IBTK: variants seen among roughly 807,000 people sequenced by gnomAD.
IBTK encodes BTK-binding protein.
A neutral mutation model predicts 154.9 loss-of-function variants in IBTK; 83 were observed. The ratio of observed to expected loss-of-function variants is 0.54; its 90% CI spans 0.45 to 0.64. The LOEUF is 0.64. Among genes scored for constraint, IBTK ranks in the 30% least tolerant of loss-of-function variants. The pLI is 0.00. For synonymous variants in IBTK, 515 were observed against 536.1 expected (o/e 0.96, Z 0.54); for missense variants, 1,332 against 1,584.6 (o/e 0.84, Z 2.71).
intron 16 of IBTK, 45 bp from the exon 17 acceptor site, chr6:82,205,003 T>A (rs983724039): frequency 1.6e-6 from 2 of 1,265,986 alleles, no homozygotes; most frequent in Admixed American, 4.8e-5. Flanking sequence ...TTTGTATACA[T>A]TATACCTAGA....
In IBTK at chr6:82,171,209, T is replaced by C; in HGVS notation, c.*216A>G. 3.1e-6 allele frequency: 1 copy of C among 323,000 alleles called. No individual in the cohort carries two copies. 20.0% of individuals were successfully genotyped at this position (323,000 alleles called of 1,614,324 possible). A position where few individuals can be genotyped will look rare whatever the true frequency, so the allele number is the denominator to read the frequency against. Reference sequence around the variant, plus strand: ...TCTATTTAACCTTAATAAGTTTTTGTCTCACACATTTTATATAAAGTTACT... The same window carrying C: ...TCTATTTAACCTTAATAAGTTTTTGCCTCACACATTTTATATAAAGTTACT... On this transcript the variant is annotated 3_prime_UTR_variant, in exon 29 of 29. Coordinates refer to ENST00000306270, the MANE Select transcript of IBTK (RefSeq NM_015525.4).
chr6:82,172,672 C>G, intron 27 of IBTK, 160 bp from the exon 28 acceptor site: 1 of 592,544 alleles, frequency 1.7e-6, no homozygotes, highest in East Asian at 3.1e-5. Context: ...GAGTTTCACT[C>G]ATCTTCCTAA....
chr6:82,191,741 G>T, intron 24 of IBTK, 46 bp downstream of exon 24: 1 of 1,124,614 alleles, frequency 8.9e-7, no homozygotes, highest in Non-Finnish European at 1.4e-6. Context: ...AATTCTTAGG[G>T]CAGAAATACA....
chr6:82,184,278 A>G (rs1768455448), intron 25 of IBTK, among the ~76,000 whole-genome samples: 1 of 152,228 alleles, frequency 6.6e-6, no homozygotes, highest in African/African-American at 2.4e-5. Flanking sequence ...CTGCATAAAA[A>G]TTAACCAGAA....
At chr6:82,200,054 G>A (rs938146044) in intron 21 of IBTK, 87 bp downstream of exon 21, 18 of 854,376 alleles carry the variant, frequency 2.1e-5, no homozygotes, top group African/African-American at 1.0e-4. Context: ...CATAAGGACT[G>A]TTTATTTCAG....
chr6:82,178,826 T>TGAGTCTGA (rs1462263829), intron 26 of IBTK, among the ~76,000 whole-genome samples: 4 of 152,194 alleles, frequency 2.6e-5, no homozygotes, highest in African/African-American at 7.2e-5. Flanking sequence ...GTCGTCAGTC[T>TGAGTCTGA]GTCAAAGAGT....
intron 18 of IBTK, among the ~76,000 whole-genome samples, chr6:82,201,939 C>T (rs187577695): frequency 3.3e-5 from 5 of 151,966 alleles, no homozygotes; most frequent in Admixed American, 2.0e-4. Context: ...TTGGCCAGGC[C>T]GGTCTTGAAC....
chr6:82,214,945 A>C, intron 11 of IBTK, 116 bp from the exon 12 acceptor site: 1 of 1,104,198 alleles, frequency 9.1e-7, no homozygotes, highest in Non-Finnish European at 1.3e-6. Flanking sequence ...GAAAATTTTA[A>C]ATTTGGCATT....
intron 23 of IBTK, among the ~76,000 whole-genome samples, chr6:82,193,095 C>CA (rs1340087241): frequency 0.012 from 1,250 of 107,590 alleles, 15 homozygotes; most frequent in African/African-American, 0.034. Context: ...AAGACTGTCT[C>CA]AAAAAAAAAA....
At chr6:82,216,570 C>T (rs985075525) in intron 10 of IBTK, among the ~76,000 whole-genome samples, 3 of 152,128 alleles carry the variant, frequency 2.0e-5, no homozygotes, top group Non-Finnish European at 4.4e-5. Context: ...TAAAACTTTT[C>T]AACTTATACT....
intron 21 of IBTK, among the ~76,000 whole-genome samples, chr6:82,197,815 G>C (rs528603747): frequency 1.3e-5 from 2 of 152,296 alleles, no homozygotes; most frequent in South Asian, 4.1e-4. Flanking sequence ...GTCAAAAACA[G>C]TTTTGCTGAA....
At chr6:82,211,640 T>C (rs1769649085) in intron 13 of IBTK, 68 bp from the exon 14 acceptor site, 1 of 1,322,540 alleles carries the variant, frequency 7.6e-7, no homozygotes, top group Non-Finnish European at 1.1e-6. Flanking sequence ...GATTATAGGA[T>C]TTGGCTTAAC....
rs111690568 is a variant in IBTK at position 82,216,072 on chromosome 6, A to G, written c.1601+4T>C. On this transcript the variant is annotated splice_donor_region_variant and intron_variant, in intron 11 of 28. Transcript: ENST00000306270. ...AAAATGAAATTTAATATATACAAGT[A>G]TACCTTGTTTTAGGATCTGACTGCA... is the stretch of plus-strand genomic sequence containing the variant. 9.6e-4 allele frequency: 1,527 copies of G among 1,595,370 alleles called. 14 individuals carry two copies. In the African/African-American group the frequency reaches 0.018, roughly 19 times the overall value.
Position 82,246,142 on chromosome 6 carries a change from T to C in IBTK, c.-358+1420A>G, listed in dbSNP as rs547512096. On this transcript the variant is annotated intron_variant, in intron 1 of 28. Transcript: ENST00000306270. ...TCCCACCTATTCTATGCTACCAAACTGCTCTCCCAAAAGGCAGTTAGAAAA... is the reference window on the plus strand; with the variant it reads ...TCCCACCTATTCTATGCTACCAAACCGCTCTCCCAAAAGGCAGTTAGAAAA... 4.6e-5 allele frequency among the ~76,000 whole-genome samples: 7 copies of C among 152,234 alleles called. No individual in the cohort carries two copies. In the South Asian group the frequency reaches 1.4e-3, roughly 32 times the overall value.
chr6:82,205,293 T>C (rs1212509759), intron 16 of IBTK: 4 of 168,204 alleles, frequency 2.4e-5, no homozygotes, highest in Non-Finnish European at 5.1e-5. Flanking sequence ...GACTTGTTTA[T>C]AATCTCCCAT....
At chr6:82,190,998 G>A in intron 25 of IBTK, 75 bp downstream of exon 25, 1 of 1,029,388 alleles carries the variant, frequency 9.7e-7, no homozygotes. Context: ...AAGTGGGAAG[G>A]AACTCCAAAG....
At chr6:82,209,832 C>G (rs1233347230) in intron 16 of IBTK, among the ~76,000 whole-genome samples, 2 of 152,188 alleles carry the variant, frequency 1.3e-5, no homozygotes, top group Non-Finnish European at 2.9e-5. Context: ...TAAACTCTAT[C>G]TCCTTACAAG....
chr6:82,173,352 A>C lies in IBTK; in HGVS notation c.3797+15T>G. On this transcript the variant is annotated intron_variant, in intron 27 of 28. Coordinates refer to ENST00000306270, the MANE Select transcript of IBTK (RefSeq NM_015525.4). ...ACTTAGCTTTGGAGGCCCATAACTT[A>C]TCAATTAACCTTACTTGGGACTGTC... 25 of 1,596,692 alleles carry C rather than the reference A, an allele frequency of 1.6e-5. No homozygotes were observed. The highest frequency in any genetic ancestry group is 2.0e-5 in the Non-Finnish European group (23 of 1,165,258).
intron 2 of IBTK, among the ~76,000 whole-genome samples, chr6:82,236,134 A>G (rs1378717675): frequency 6.6e-6 from 1 of 152,170 alleles, no homozygotes; most frequent in Non-Finnish European, 1.5e-5. Flanking sequence ...TTGGCCTCCC[A>G]AAGTGCTGGA....
Sources: gnomAD v4.1 joint callset for allele counts (sites outside exome capture counted in the v4.1 genomes callset) on GRCh38, gnomAD v4.1.1 for gene constraint, MANE v1.5 for transcripts, NCBI Gene and HGNC (gene_info 2026-07-23, HGNC 2026-07-21) for gene names.